Variants in RAMP3 observed in about 807,000 individuals in gnomAD.
RAMP3 encodes the protein receptor activity-modifying protein 3.
RAMP3 carries 14 observed loss-of-function variants against 13.5 expected under a neutral mutation model. The ratio of observed to expected loss-of-function variants is 1.04; its 90% CI spans 0.69 to 1.63. The LOEUF (loss-of-function observed/expected upper bound fraction) is 1.63, where lower values mean the gene tolerates loss of function less well. RAMP3 is among the 40% of genes most tolerant of loss of function. The pLI is 0.00. For missense variants in RAMP3, 200 were observed against 204.8 expected (o/e 0.98, Z 0.14); for synonymous variants, 106 against 88.3 (o/e 1.20, Z -1.12).
At chr7:45,167,901 C>T (rs1293996649) in intron 1 of RAMP3, among the ~76,000 whole-genome samples, 1 of 151,994 alleles carries the variant, frequency 6.6e-6, no homozygotes, top group African/African-American at 2.4e-5. Context: ...TGTTCTTTTT[C>T]ATGATTGTTT....
At chr7:45,159,223 G>A (rs1352189775) in intron 1 of RAMP3, among the ~76,000 whole-genome samples, 3 of 152,214 alleles carry the variant, frequency 2.0e-5, no homozygotes, top group African/African-American at 7.2e-5. Flanking sequence ...CACGCTCCCT[G>A]GCCAGAATAG....
At chr7:45,180,222 C>A (rs909751922) in intron 2 of RAMP3, among the ~76,000 whole-genome samples, 1 of 152,208 alleles carries the variant, frequency 6.6e-6, no homozygotes, top group African/African-American at 2.4e-5. Context: ...GGTGCCCCAG[C>A]GTGGCAGTAC....
At chr7:45,159,736 G>T (rs1785828236) in intron 1 of RAMP3, among the ~76,000 whole-genome samples, 1 of 152,178 alleles carries the variant, frequency 6.6e-6, no homozygotes, top group Non-Finnish European at 1.5e-5. Flanking sequence ...ATTCAGTTTA[G>T]TCCCTATCAC....
At chr7:45,158,559 G>T (rs1584061023) in intron 1 of RAMP3, among the ~76,000 whole-genome samples, 1 of 151,992 alleles carries the variant, frequency 6.6e-6, no homozygotes, top group Non-Finnish European at 1.5e-5. Context: ...AATTATCCAA[G>T]AAAAAGTAAG....
chr7:45,176,238 A>G (rs964559930), intron 1 of RAMP3, among the ~76,000 whole-genome samples: 4 of 152,118 alleles, frequency 2.6e-5, no homozygotes, highest in Non-Finnish European at 5.9e-5. Context: ...GTCCCATGTC[A>G]ATCTGGAACC....
intron 1 of RAMP3, among the ~76,000 whole-genome samples, chr7:45,170,500 G>A (rs1786059330): frequency 6.6e-6 from 1 of 152,012 alleles, no homozygotes; most frequent in Non-Finnish European, 1.5e-5. Context: ...ACCATGCTTG[G>A]CTAATTTTTT....
intron 1 of RAMP3, among the ~76,000 whole-genome samples, chr7:45,175,567 G>A (rs968935655): frequency 6.6e-6 from 1 of 152,218 alleles, no homozygotes; most frequent in African/African-American, 2.4e-5. Flanking sequence ...ATAGGTTTGG[G>A]CAGTCACGAA....
chr7:45,162,941 G>T, intron 1 of RAMP3, among the ~76,000 whole-genome samples: 1 of 152,168 alleles, frequency 6.6e-6, no homozygotes, highest in Non-Finnish European at 1.5e-5. Context: ...GAAGGGGCTT[G>T]CCTGGAGCTT....
intron 1 of RAMP3, among the ~76,000 whole-genome samples, chr7:45,171,112 A>G (rs6952399): frequency 0.26 from 39,864 of 150,634 alleles, 6,367 homozygotes; most frequent in African/African-American, 0.45. Context: ...TATTTTCTAC[A>G]TATTTGTGAA....
At chr7:45,174,229 C>G (rs1456529754) in intron 1 of RAMP3, among the ~76,000 whole-genome samples, 1 of 152,150 alleles carries the variant, frequency 6.6e-6, no homozygotes, top group East Asian at 1.9e-4. Flanking sequence ...GGGCATCAGC[C>G]TCTCCATCTG....
intron 1 of RAMP3, among the ~76,000 whole-genome samples, chr7:45,158,356 C>T (rs1356328835): frequency 2.0e-5 from 3 of 152,158 alleles, no homozygotes; most frequent in African/African-American, 4.8e-5. Flanking sequence ...GTAGCTGGTC[C>T]TCCCAGGGCC....
At chr7:45,160,067 T>G (rs1340361625) in intron 1 of RAMP3, among the ~76,000 whole-genome samples, 2 of 152,096 alleles carry the variant, frequency 1.3e-5, no homozygotes, top group South Asian at 2.1e-4. Context: ...GTGCGGTGGC[T>G]CACGCCTGTA....
rs563615505 is a variant in RAMP3, at chr7:45,183,743, A to G, written c.*331A>G. Reference sequence around the variant, plus strand: ...CCGGAGCCTCTGCCCGCAGGTTTCTATGCTGTTTCTTAGCACAGAATCCAG... The same window carrying G: ...CCGGAGCCTCTGCCCGCAGGTTTCTGTGCTGTTTCTTAGCACAGAATCCAG... On this transcript the variant is annotated 3_prime_UTR_variant, in exon 3 of 3. Coordinates refer to ENST00000242249, the MANE Select transcript of RAMP3 (RefSeq NM_005856.3). The G allele has an allele frequency of 1.9e-5, 11 of 567,264 alleles. No homozygotes were observed. The East Asian group carries it at 2.6e-4, about 13-fold the overall frequency. 35.1% of individuals were successfully genotyped at this position (567,264 alleles called of 1,614,324 possible). A position where few individuals can be genotyped will look rare whatever the true frequency, so the allele number is the denominator to read the frequency against.
At position 45,183,185 on chromosome 7, in the gene RAMP3, G is replaced by T; in HGVS notation, c.220G>T (p.Glu74Ter). Reference protein sequence around the residue: ...VYYESFTNCTEMEANVVGCYW... With the variant: ...VYYESFTNCT ...CTATGAGAGTTTCACCAACTGCACC[G>T]AGATGGAGGCCAATGTCGTGGGCTG... Residue 74 changes from glutamate (E) to a stop codon, truncating the protein, a stop_gained, in exon 3 of 3, where the codon GAG becomes TAG. Transcript: ENST00000242249. LOFTEE classifies it high-confidence loss of function. 1 of 1,612,876 alleles carries T rather than the reference G, an allele frequency of 6.2e-7. No homozygotes were observed.
Position 45,177,329 on chromosome 7 carries a change from G to T in RAMP3, c.79G>T (p.Gly27Cys), listed in dbSNP as rs779567725. The change falls in exon 2 of 3, where the codon GGC becomes TGC. Residue 27 changes from glycine to cysteine, a missense_variant. Physicochemically the swap from Gly to Cys is radical, Grantham distance 159. Coordinates refer to ENST00000242249, the MANE Select transcript of RAMP3 (RefSeq NM_005856.3). Reference protein sequence around the residue: ...LLCGGCPRAGGCNETGMLERL... With the variant: ...LLCGGCPRAGCCNETGMLERL... Reference sequence around the variant, plus strand: ...TCCAGGTGGGTGTCCCAGAGCAGGCGGCTGCAACGAGACAGGCATGTTGGA... The same window carrying T: ...TCCAGGTGGGTGTCCCAGAGCAGGCTGCTGCAACGAGACAGGCATGTTGGA... 1 of 1,614,152 alleles carries T rather than the reference G, an allele frequency of 6.2e-7. No homozygotes were observed. The highest frequency in any genetic ancestry group is 1.1e-5 in the South Asian group (1 of 91,078).
At chr7:45,158,400 A>G (rs1785802065) in intron 1 of RAMP3, among the ~76,000 whole-genome samples, 1 of 152,188 alleles carries the variant, frequency 6.6e-6, no homozygotes, top group Non-Finnish European at 1.5e-5. Context: ...GTGTCCTGGA[A>G]CTGGCTGAGA....
intron 1 of RAMP3, among the ~76,000 whole-genome samples, chr7:45,174,172 A>G (rs1786134495): frequency 6.6e-6 from 1 of 152,126 alleles, no homozygotes; most frequent in Non-Finnish European, 1.5e-5. Context: ...GCATGCACAG[A>G]TGACTACCCC....
chr7:45,175,209 G>T (rs1430405158), intron 1 of RAMP3, among the ~76,000 whole-genome samples: 1 of 152,216 alleles, frequency 6.6e-6, no homozygotes, highest in Admixed American at 6.5e-5. Context: ...TGGAAACCAT[G>T]CAGAGTGGCC....
At chr7:45,178,426 G>A (rs1786236772) in intron 2 of RAMP3, among the ~76,000 whole-genome samples, 1 of 152,232 alleles carries the variant, frequency 6.6e-6, no homozygotes, top group African/African-American at 2.4e-5. Context: ...GCTTTTGCAT[G>A]TTAGCACCCC....
Sources: allele counts gnomAD v4.1 joint callset (sites outside exome capture counted in the v4.1 genomes callset), GRCh38; gene constraint gnomAD v4.1.1; transcripts MANE v1.5; gene names NCBI Gene and HGNC (gene_info 2026-07-23, HGNC 2026-07-21).